Variants in DSCAM observed in about 807,000 individuals in gnomAD.
The protein encoded by DSCAM is DS cell adhesion molecule.
A neutral mutation model predicts 217.7 loss-of-function variants in DSCAM; 47 were observed. That is an observed-to-expected ratio of 0.22 (90% CI 0.17 to 0.28). The LOEUF is 0.28. Ranked by LOEUF, DSCAM falls within the 10% of genes least tolerant of loss-of-function variation. The pLI is 1.00. For missense variants in DSCAM, 2,080 were observed against 2,618.3 expected, an observed-to-expected ratio of 0.79 and a Z score of 4.49; for synonymous variants, 1,056 against 1,015.3, an observed-to-expected ratio of 1.04 and a Z score of -0.76.
At chr21:40,307,905 G>C (rs759510623) in intron 9 of DSCAM, among the ~76,000 whole-genome samples, 5 of 146,696 alleles carry the variant, frequency 3.4e-5, no homozygotes, top group Non-Finnish European at 7.5e-5. Flanking sequence ...GACACAGGAA[G>C]GGGAACATCA....
chr21:40,495,587 T>A (rs1300954420), intron 3 of DSCAM, among the ~76,000 whole-genome samples: 1 of 152,176 alleles, frequency 6.6e-6, no homozygotes, highest in East Asian at 1.9e-4. Context: ...TACACAATGA[T>A]GAAAAATTGA....
At chr21:40,829,486 C>T (rs1250375882) in intron 1 of DSCAM, among the ~76,000 whole-genome samples, 2 of 152,142 alleles carry the variant, frequency 1.3e-5, no homozygotes, top group African/African-American at 4.8e-5. Context: ...TGCAGCTGCT[C>T]TGATGCAATG....
At chr21:40,777,558 AAAT>A (rs774533668) in intron 1 of DSCAM, among the ~76,000 whole-genome samples, 33 of 152,210 alleles carry the variant, frequency 2.2e-4, no homozygotes, top group Non-Finnish European at 1.2e-4. Context: ...GAGAAAACGA[AAAT>A]AATCATCATC....
chr21:40,553,910 C>T (rs185295262), intron 3 of DSCAM, among the ~76,000 whole-genome samples: 2 of 152,138 alleles, frequency 1.3e-5, no homozygotes, highest in East Asian at 1.9e-4. Flanking sequence ...CAACAGGTTA[C>T]GTGACTTATC....
chr21:40,117,202 A>G (rs1002484539), intron 20 of DSCAM, among the ~76,000 whole-genome samples: 1 of 152,276 alleles, frequency 6.6e-6, no homozygotes. Flanking sequence ...AACCTCTTTT[A>G]GATGACTCAC....
intron 1 of DSCAM, among the ~76,000 whole-genome samples, chr21:40,765,593 G>C (rs2091380155): frequency 6.6e-6 from 1 of 152,096 alleles, no homozygotes; most frequent in South Asian, 2.1e-4. Flanking sequence ...GGGAGGGATG[G>C]GGACACAGAG....
intron 11 of DSCAM, among the ~76,000 whole-genome samples, chr21:40,224,875 C>G (rs1333451054): frequency 6.6e-6 from 1 of 152,160 alleles, no homozygotes; most frequent in East Asian, 1.9e-4. Context: ...AAAAAGATAA[C>G]AAGTCCATGT....
At chr21:40,618,363 G>C (rs760892639) in intron 3 of DSCAM, 3 of 152,318 alleles carry the variant, frequency 2.0e-5, no homozygotes, top group African/African-American at 4.8e-5. Flanking sequence ...GAGGGCAGGA[G>C]GGGTGCTTGT....
At chr21:40,184,793 T>C (rs899713749) in intron 14 of DSCAM, among the ~76,000 whole-genome samples, 2 of 152,004 alleles carry the variant, frequency 1.3e-5, no homozygotes, top group Non-Finnish European at 2.9e-5. Flanking sequence ...GGGAAACTCC[T>C]GGGTAAGAGT....
chr21:40,129,371 G>A (rs1481815530), intron 19 of DSCAM, among the ~76,000 whole-genome samples: 1 of 152,234 alleles, frequency 6.6e-6, no homozygotes, highest in Non-Finnish European at 1.5e-5. Flanking sequence ...TAGAGCAAGA[G>A]TGTTCATTCT....
At chr21:40,047,695 A>G (rs2088864219) in intron 30 of DSCAM, among the ~76,000 whole-genome samples, 1 of 152,166 alleles carries the variant, frequency 6.6e-6, no homozygotes, top group African/African-American at 2.4e-5. Flanking sequence ...AGCTTTACAT[A>G]ACGAATTTAC....
intron 10 of DSCAM, among the ~76,000 whole-genome samples, chr21:40,288,226 C>T (rs972117008): frequency 6.6e-6 from 1 of 152,092 alleles, no homozygotes; most frequent in Non-Finnish European, 1.5e-5. Flanking sequence ...AAATTCACTA[C>T]CACTGACAAA....
intron 3 of DSCAM, among the ~76,000 whole-genome samples, chr21:40,506,804 A>G (rs2076213675): frequency 6.6e-6 from 1 of 152,224 alleles, no homozygotes; most frequent in South Asian, 2.1e-4. Context: ...GATATATTTT[A>G]TCTTATTGTG....
Position 40,412,102 on chromosome 21 carries a change from T to C in DSCAM, c.509-42857A>G, listed in dbSNP as rs191758147. ...ATCCATCTAAGATGTGACTTGCTCT[T>C]CCTTGCCTCTGCCATGATTTTGAGG... On this transcript the variant is annotated intron_variant, in intron 3 of 32. Coordinates refer to ENST00000400454, the MANE Select transcript of DSCAM (RefSeq NM_001389.5). 2.5e-3 allele frequency among the ~76,000 whole-genome samples: 379 copies of C among 152,340 alleles called. 1 individual carries two copies. Among genetic ancestry groups the C allele is most frequent in the African/African-American group, 8.6e-3 (359 of 41,578 alleles).
chr21:40,175,807 A>G (rs200415030), intron 15 of DSCAM, among the ~76,000 whole-genome samples: 26 of 88,248 alleles, frequency 2.9e-4, no homozygotes, highest in East Asian at 2.2e-3. Context: ...ACACACACAC[A>G]CGCACACACA....
At chr21:40,493,981 T>A (rs2076097683) in intron 3 of DSCAM, among the ~76,000 whole-genome samples, 1 of 151,564 alleles carries the variant, frequency 6.6e-6, no homozygotes, top group African/African-American at 2.4e-5. Flanking sequence ...TAAAATAGCC[T>A]GTTATAAATA....
intron 1 of DSCAM, among the ~76,000 whole-genome samples, chr21:40,834,504 T>C (rs1489334135): frequency 6.6e-6 from 1 of 151,242 alleles, no homozygotes; most frequent in Non-Finnish European, 1.5e-5. Context: ...TTATTTCTCA[T>C]GGCTCTATTT....
intron 3 of DSCAM, among the ~76,000 whole-genome samples, chr21:40,516,496 T>A (rs1166861998): frequency 6.6e-6 from 1 of 152,102 alleles, no homozygotes; most frequent in Non-Finnish European, 1.5e-5. Context: ...GTTTAATGCC[T>A]CTCTCCATGG....
chr21:40,246,837 G>A lies in DSCAM; in HGVS notation c.2356+29260C>T, dbSNP rs1434651138. ...CTGAGACAGCTGGTCACCTATATGT[G>A]GCCTTGGGTCAATCTTTAACCTTGA... On this transcript the variant is annotated intron_variant, in intron 11 of 32. Transcript: ENST00000400454. Among the ~76,000 whole-genome samples the A allele has an allele frequency of 3.3e-5, 5 of 152,110 alleles. No homozygotes were observed. The East Asian group carries it at 5.8e-4, about 18-fold the overall frequency.
Sources: allele counts gnomAD v4.1 joint callset (sites outside exome capture counted in the v4.1 genomes callset), GRCh38; gene constraint gnomAD v4.1.1; transcripts MANE v1.5; gene names NCBI Gene and HGNC (gene_info 2026-07-23, HGNC 2026-07-21).